The following FRMD4A variants were observed in gnomAD, a reference collection of about 807,000 sequenced individuals.
The protein encoded by FRMD4A is FERM domain-containing protein 4A.
In FRMD4A, 29 loss-of-function variants were observed where a neutral mutation model predicts 129.1. That is an observed-to-expected ratio of 0.22 (90% confidence interval 0.17 to 0.31). The LOEUF (loss-of-function observed/expected upper bound fraction) is 0.31. Ranked by LOEUF, FRMD4A falls within the 10% of genes least tolerant of loss-of-function variation. FRMD4A has a pLI of 1.00. For missense variants in FRMD4A, 1,272 were observed against 1,375.8 expected, an observed-to-expected ratio of 0.92 and a Z score of 1.19; for synonymous variants, 634 against 571.6, an observed-to-expected ratio of 1.11 and a Z score of -1.56.
chr10:14,158,535 C>T lies in FRMD4A; in HGVS notation c.45+171523G>A, dbSNP rs1280313005. 5.3e-5 allele frequency among the ~76,000 whole-genome samples: 8 copies of T among 151,848 alleles called. 1 individual carries two copies. The South Asian group carries it at 8.3e-4, about 16-fold the overall frequency. ...GCTGAGGCAGGAGGATCGCTTGAGC[C>T]CAGGAGTTAGAGGCTACAGAGAGCA... On this transcript the variant is annotated intron_variant, in intron 2 of 24. Coordinates refer to ENST00000357447, the MANE Select transcript of FRMD4A (RefSeq NM_018027.5).
At chr10:14,185,644 C>T (rs972818790) in intron 2 of FRMD4A, among the ~76,000 whole-genome samples, 7 of 152,146 alleles carry the variant, frequency 4.6e-5, no homozygotes, top group Non-Finnish European at 7.3e-5. Context: ...CAGAGAGCTG[C>T]AGGGGCGGTT....
Position 13,660,429 on chromosome 10 carries a change from G to C in FRMD4A, c.1785C>G (p.His595Gln), listed in dbSNP as rs765691556. The C allele has an allele frequency of 6.2e-7, 1 of 1,613,914 alleles. No homozygotes were observed. Among genetic ancestry groups the C allele is most frequent in the Non-Finnish European group, 8.5e-7 (1 of 1,179,868 alleles). Residue 595 changes from histidine to glutamine, a missense_variant, in exon 20 of 25, where the codon CAC (histidine) becomes CAG (glutamine). His to Gln is a conservative substitution (Grantham distance 24, BLOSUM62 0). This residue lies in a region of FRMD4A where 972 missense variants were observed against 892.3 expected (regional missense o/e 1.09). Transcript: ENST00000357447. ...PQSLEGLRQM[H>Q]YHRNDYDKSP... ...ACTTGTCATAGTCGTTGCGGTGATA[G>C]TGCATCTGTCGGAGTCCCTCCAGGG...
At chr10:14,327,090 C>T (rs1234226955) in intron 2 of FRMD4A, 6 of 397,438 alleles carry the variant, frequency 1.5e-5, no homozygotes, top group East Asian at 1.4e-4. Context: ...GGGACCCCTC[C>T]CAGCTGACCG....
chr10:13,754,566 TCGTG>T (rs1379504633), intron 8 of FRMD4A, among the ~76,000 whole-genome samples: 2 of 96,842 alleles, frequency 2.1e-5, no homozygotes, highest in African/African-American at 4.8e-5. Context: ...CACAATTCTT[TCGTG>T]TGTGTGTGTG....
intron 3 of FRMD4A, among the ~76,000 whole-genome samples, chr10:13,848,178 CAG>C (rs769207477): frequency 1.2e-4 from 19 of 152,306 alleles, no homozygotes; most frequent in Non-Finnish European, 1.8e-4. Context: ...CCCATCTGCA[CAG>C]AGTCTCCTAT....
chr10:14,330,649 T>A lies in FRMD4A; in HGVS notation c.-134A>T, dbSNP rs972757797. 1 of 397,574 alleles carries A rather than the reference T, an allele frequency of 2.5e-6. No individual in the cohort carries two copies. The highest frequency in any genetic ancestry group is 4.4e-6 in the Non-Finnish European group (1 of 225,916). The allele number at this position is 397,574 out of a possible 1,614,324, so 24.6% of individuals were successfully genotyped here. On this transcript the variant is annotated 5_prime_UTR_variant, in exon 1 of 25. Transcript: ENST00000357447. ...TGCTGCAGATAGGTGTGTCCCTTTT[T>A]GCAAAATCAGATATCTGGGAGTGAG...
intron 6 of FRMD4A, among the ~76,000 whole-genome samples, chr10:13,770,026 A>G (rs2092411596): frequency 6.6e-6 from 1 of 152,088 alleles, no homozygotes; most frequent in Non-Finnish European, 1.5e-5. Context: ...CTCTTTCTGT[A>G]TATCTATATA....
At chr10:13,737,262 G>A (rs147105931) in intron 12 of FRMD4A, among the ~76,000 whole-genome samples, 3 of 152,136 alleles carry the variant, frequency 2.0e-5, no homozygotes, top group Admixed American at 2.0e-4. Context: ...GCTAATTTTT[G>A]TATTTTTAGT....
At position 13,839,250 on chromosome 10, in the gene FRMD4A, C is replaced by T. The variant is rs567610435; in HGVS notation, c.111+19597G>A. Among the ~76,000 whole-genome samples the T allele has an allele frequency of 4.1e-4, 62 of 152,254 alleles. No individual in the cohort carries two copies. In the South Asian group the frequency reaches 0.012, roughly 29 times the overall value. On this transcript the variant is annotated intron_variant, in intron 3 of 24. Coordinates refer to ENST00000357447, the MANE Select transcript of FRMD4A (RefSeq NM_018027.5). ...TGAACTCTTGGCCTTCAGCAATCCT[C>T]CCACCTTGGCCTCTCAAAGTTCTAG...
intron 5 of FRMD4A, among the ~76,000 whole-genome samples, chr10:13,793,178 T>C (rs1241338481): frequency 2.0e-5 from 3 of 151,852 alleles, no homozygotes; most frequent in Non-Finnish European, 2.9e-5. Context: ...GTTTCTTTTT[T>C]TTTTTTTTTG....
intron 2 of FRMD4A, among the ~76,000 whole-genome samples, chr10:14,261,315 G>C (rs1448643400): frequency 6.6e-6 from 1 of 152,188 alleles, no homozygotes; most frequent in Non-Finnish European, 1.5e-5. Context: ...GGGTTAAATA[G>C]CTATTTGGAG....
intron 2 of FRMD4A, among the ~76,000 whole-genome samples, chr10:14,179,762 G>C (rs1367439392): frequency 6.6e-6 from 1 of 152,142 alleles, no homozygotes; most frequent in Admixed American, 6.5e-5. Flanking sequence ...GGCCGGGCGC[G>C]GTGGCTCACG....
At chr10:14,060,040 C>G (rs930531918) in intron 2 of FRMD4A, among the ~76,000 whole-genome samples, 70 of 152,220 alleles carry the variant, frequency 4.6e-4, no homozygotes, top group African/African-American at 1.7e-3. Context: ...TCTAGTTCCA[C>G]AGTCTATACC....
At chr10:13,648,444 C>T (rs1434964007) in intron 24 of FRMD4A, among the ~76,000 whole-genome samples, 2 of 152,144 alleles carry the variant, frequency 1.3e-5, no homozygotes, top group Non-Finnish European at 2.9e-5. Flanking sequence ...TCCCTAACTC[C>T]ACGTGGTCCT....
chr10:14,298,821 G>GGA (rs973802652), intron 2 of FRMD4A, among the ~76,000 whole-genome samples: 9 of 152,188 alleles, frequency 5.9e-5, no homozygotes, highest in Non-Finnish European at 1.3e-4. Flanking sequence ...GCAATGAGTA[G>GGA]GGGAGGAGGA....
intron 2 of FRMD4A, among the ~76,000 whole-genome samples, chr10:14,212,370 C>T (rs1397970601): frequency 6.6e-6 from 1 of 152,118 alleles, no homozygotes; most frequent in East Asian, 1.9e-4. Flanking sequence ...TCTAAATGAC[C>T]TCCACCCCAC....
intron 2 of FRMD4A, among the ~76,000 whole-genome samples, chr10:14,089,630 C>CAAAAAAAAAAAAA (rs59553317): frequency 2.3e-5 from 3 of 130,786 alleles, no homozygotes; most frequent in East Asian, 2.3e-4. Flanking sequence ...AAAAAAAAAA[C>CAAAAAAAAAAAAA]AAAAAAAAAC....
At chr10:13,853,323 A>G (rs2094165015) in intron 3 of FRMD4A, among the ~76,000 whole-genome samples, 1 of 152,168 alleles carries the variant, frequency 6.6e-6, no homozygotes. Flanking sequence ...AAGGCAGGAG[A>G]ATCACTTGGG....
rs1460857014 is a variant in FRMD4A at position 14,129,406 on chromosome 10, AT to A, written c.45+200651del. On this transcript the variant is annotated intron_variant, in intron 2 of 24. Coordinates refer to ENST00000357447, the MANE Select transcript of FRMD4A (RefSeq NM_018027.5). ...TATATATATATATATATATATATATATAAAAAATATGAGCTGTAGAACATAC... is the reference window on the plus strand; with the variant it reads ...TATATATATATATATATATATATATAAAAAAATATGAGCTGTAGAACATAC... Among the ~76,000 whole-genome samples, 383 of 122,114 alleles carry A rather than the reference AT, an allele frequency of 3.1e-3. 2 individuals carry two copies. The highest frequency in any genetic ancestry group is 3.8e-3 in the African/African-American group (93 of 24,272). 80.1% of individuals were successfully genotyped at this position (122,114 alleles called of 152,430 possible).
Sources: gnomAD v4.1 joint callset for allele counts (sites outside exome capture counted in the v4.1 genomes callset) on GRCh38, gnomAD v4.1.1 for gene constraint, gnomAD v4.1.1 regional missense constraint, MANE v1.5 for transcripts, NCBI Gene and HGNC (gene_info 2026-07-23, HGNC 2026-07-21) for gene names.